PKP1: variants seen among roughly 807,000 people sequenced by gnomAD.
The protein encoded by PKP1 is plakophilin 1, also known as plakophilin-1.
PKP1 carries 27 observed loss-of-function variants against 76.4 expected under a neutral mutation model. The ratio of observed to expected loss-of-function variants is 0.35; its 90% confidence interval spans 0.26 to 0.49. The LOEUF is 0.49. PKP1 is among the 20% of genes least tolerant of loss of function. The probability of loss-of-function intolerance (pLI) is 0.99; values close to 1 mark genes in which losing one functional copy is unlikely to be tolerated. For missense variants in PKP1, 964 were observed against 955.2 expected (o/e 1.01, Z -0.12); for synonymous variants, 404 against 384.2 (o/e 1.05, Z -0.60).
intron 1 of PKP1, among the ~76,000 whole-genome samples, chr1:201,288,771 G>A (rs955125048): frequency 1.3e-5 from 2 of 152,078 alleles, no homozygotes; most frequent in South Asian, 2.1e-4. Context: ...GTCCCCACAG[G>A]ATGCTCCCAT....
intron 7 of PKP1, among the ~76,000 whole-genome samples, chr1:201,320,721 G>T (rs371389268): frequency 9.1e-4 from 139 of 152,318 alleles, no homozygotes; most frequent in Middle Eastern, 3.4e-3. Context: ...AAAACACGAA[G>T]AGGGCCTGGC....
chr1:201,316,833 C>T (rs1413433866), intron 4 of PKP1, 136 bp downstream of exon 4: 3 of 914,282 alleles, frequency 3.3e-6, no homozygotes, highest in Admixed American at 4.0e-5. Flanking sequence ...GGAGCCTTCG[C>T]ATTGCCCAAG....
intron 2 of PKP1, among the ~76,000 whole-genome samples, chr1:201,300,755 G>C (rs531556524): frequency 6.6e-6 from 1 of 152,330 alleles, no homozygotes; most frequent in South Asian, 2.1e-4. Flanking sequence ...GCTTGCAAAG[G>C]GAGGAGGACA....
chr1:201,317,559 T>C lies in PKP1; in HGVS notation c.847-13T>C, dbSNP rs749780639. 1.2e-6 allele frequency: 2 copies of C among 1,611,470 alleles called. No individual in the cohort carries two copies. Among genetic ancestry groups the C allele is most frequent in the South Asian group, 2.2e-5 (2 of 90,994 alleles). ...TCCCTTGACCAGGCAGCGTGGCAAC[T>C]CTTTCCTGGCAGGTCTATCAGCTGG... is the stretch of plus-strand genomic sequence containing the variant. On this transcript the variant is annotated splice_polypyrimidine_tract_variant and intron_variant, in intron 4 of 13. Coordinates refer to ENST00000367324, the MANE Select transcript of PKP1 (RefSeq NM_001005337.3).
Position 201,320,276 on chromosome 1 carries a change from C to T in PKP1, c.1242C>T (p.Ser414=). The change falls in exon 7 of 14, where the codon AGC becomes AGT. Residue 414 remains serine, a synonymous_variant. Coordinates refer to ENST00000367324, the MANE Select transcript of PKP1 (RefSeq NM_001005337.3). ...CTCTTCTCTCCCCCAGGAACCTGAG[C>T]TCGGCCGATGCAGGCCGCCAGACCA... The part of the protein sequence containing the change: ...FNATGCLRNL[S]SADAGRQTMR... 6.2e-7 allele frequency: 1 copy of T among 1,612,036 alleles called. No homozygotes were observed. Among genetic ancestry groups the T allele is most frequent in the Non-Finnish European group, 8.5e-7 (1 of 1,178,148 alleles).
At chr1:201,329,096 G>A (rs556154642) in intron 13 of PKP1, among the ~76,000 whole-genome samples, 1 of 152,258 alleles carries the variant, frequency 6.6e-6, no homozygotes, top group South Asian at 2.1e-4. Context: ...GGGGTCAGAG[G>A]GTCTGGGCAG....
In PKP1 at chr1:201,289,688, G is replaced by GCACACA. The variant is rs3057891; in HGVS notation, c.203-4221_203-4216dup. Among the ~76,000 whole-genome samples the GCACACA allele has an allele frequency of 8.9e-3, 1,293 of 145,028 alleles. 19 individuals are homozygous for GCACACA. Among genetic ancestry groups the GCACACA allele is most frequent in the African/African-American group, 0.025 (974 of 39,524 alleles). ...CCAGGCCCTACCTTCTGGGAGGAGTGCACACACACACACACACACACACAC... is the reference window on the plus strand; with the variant it reads ...CCAGGCCCTACCTTCTGGGAGGAGTGCACACACACACACACACACACACACACACAC... On this transcript the variant is annotated intron_variant, in intron 1 of 13. Transcript: ENST00000367324.
Position 201,304,152 on chromosome 1 carries a change from G to T in PKP1, c.307-9014G>T, listed in dbSNP as rs143565117. 9.3e-3 allele frequency among the ~76,000 whole-genome samples: 1,423 copies of T among 152,268 alleles called. 50 individuals are homozygous for T. The highest frequency in any genetic ancestry group is 0.068 in the Admixed American group (1,042 of 15,298). The stretch of plus-strand genomic sequence containing the variant: ...TAGGGTCCTAATCAGCTCTCAGGAG[G>T]CCCCACAGTGCTGGGATCTGAGTTG... On this transcript the variant is annotated intron_variant, in intron 2 of 13. Transcript: ENST00000367324.
In PKP1 at chr1:201,332,397, G is replaced by T. The variant is rs529824032; in HGVS notation, c.*2356G>T. ...CCCATTCCCTCTCAGGCCAGCTCAGGTCACCCGGGCCTCTGACCCAGGCCT... is the reference window on the plus strand; with the variant it reads ...CCCATTCCCTCTCAGGCCAGCTCAGTTCACCCGGGCCTCTGACCCAGGCCT... On this transcript the variant is annotated 3_prime_UTR_variant, in exon 14 of 14. Transcript: ENST00000367324. 2 of 152,262 alleles carry T rather than the reference G, an allele frequency of 1.3e-5. No individual in the cohort carries two copies. Among genetic ancestry groups the T allele is most frequent in the South Asian group, 4.1e-4 (2 of 4,836 alleles). The allele number at this position is 152,262 out of a possible 1,614,324, so 9.4% of individuals were successfully genotyped here.
chr1:201,313,349 C>T lies in PKP1; in HGVS notation c.490C>T (p.Arg164Trp), dbSNP rs576171894. The change falls in exon 3 of 14, where the codon CGG (arginine) becomes TGG (tryptophan). Residue 164 changes from arginine (R) to tryptophan (W), a missense_variant. Arg to Trp is a moderately radical substitution (Grantham distance 101, BLOSUM62 -3). Coordinates refer to ENST00000367324, the MANE Select transcript of PKP1 (RefSeq NM_001005337.3). ...TGAGCCCGACCTCTACTGTGACCCA[C>T]GGGGCACCCTGCGCAAGGGCACGCT... ...RSEPDLYCDP[R>W]GTLRKGTLGS... 28 of 1,586,730 alleles carry T rather than the reference C, an allele frequency of 1.8e-5. No homozygotes were observed. Among genetic ancestry groups the T allele is most frequent in the Admixed American group, 1.1e-4 (6 of 55,474 alleles).
intron 1 of PKP1, among the ~76,000 whole-genome samples, chr1:201,292,221 T>C (rs1201506318): frequency 1.3e-5 from 2 of 152,112 alleles, no homozygotes; most frequent in Non-Finnish European, 2.9e-5. Flanking sequence ...AGTCGGCTCC[T>C]CTGAACGCAG....
At chr1:201,319,896 G>A in intron 6 of PKP1, 1 of 1,613,412 alleles carries the variant, frequency 6.2e-7, no homozygotes, top group Non-Finnish European at 8.5e-7. Context: ...TTGGGATGCA[G>A]CTGCGGAGGG....
chr1:201,314,347 A>C (rs1656661521), intron 3 of PKP1, among the ~76,000 whole-genome samples: 3 of 152,206 alleles, frequency 2.0e-5, no homozygotes, highest in Non-Finnish European at 4.4e-5. Flanking sequence ...CTGTAGTCCC[A>C]GCTACTCAGA....
chr1:201,303,190 G>A (rs1038028817), intron 2 of PKP1, among the ~76,000 whole-genome samples: 3 of 152,178 alleles, frequency 2.0e-5, no homozygotes, highest in African/African-American at 7.2e-5. Flanking sequence ...ATTTATTCAT[G>A]TATTTATTTT....
In PKP1 at chr1:201,297,756, T is replaced by G. The variant is rs1207378466; in HGVS notation, c.306+3711T>G. 2.0e-5 allele frequency among the ~76,000 whole-genome samples: 3 copies of G among 152,292 alleles called. No homozygotes were observed. The East Asian group carries it at 5.8e-4, about 29-fold the overall frequency. ...GGGATCTGCAAGACACTCATGAGTC[T>G]GAATCCCTCCATTTCCTCCCTTCCC... On this transcript the variant is annotated intron_variant, in intron 2 of 13. Transcript: ENST00000367324.
intron 2 of PKP1, among the ~76,000 whole-genome samples, chr1:201,296,215 A>T (rs1656065457): frequency 6.6e-6 from 1 of 152,224 alleles, no homozygotes; most frequent in South Asian, 2.1e-4. Context: ...GAGGCCAAGT[A>T]GGGAGGAAGT....
At chr1:201,321,282 G>A (rs1656931269) in intron 7 of PKP1, among the ~76,000 whole-genome samples, 1 of 152,178 alleles carries the variant, frequency 6.6e-6, no homozygotes, top group African/African-American at 2.4e-5. Flanking sequence ...GTAACCCCAA[G>A]CCCTGGAAGT....
intron 13 of PKP1, among the ~76,000 whole-genome samples, chr1:201,329,151 G>C (rs1481060710): frequency 1.3e-5 from 2 of 152,216 alleles, no homozygotes; most frequent in Non-Finnish European, 2.9e-5. Context: ...AACAACACAG[G>C]TGGTGCCCTT....
intron 4 of PKP1, among the ~76,000 whole-genome samples, chr1:201,317,158 T>C (rs1012382573): frequency 3.9e-5 from 6 of 152,122 alleles, no homozygotes; most frequent in African/African-American, 1.2e-4. Context: ...AGCCCAAGGA[T>C]GTAGTGTCAA....
Sources: gnomAD v4.1 joint callset for allele counts (sites outside exome capture counted in the v4.1 genomes callset) on GRCh38, gnomAD v4.1.1 for gene constraint, MANE v1.5 for transcripts, NCBI Gene and HGNC (gene_info 2026-07-23, HGNC 2026-07-21) for gene names.